Variants in SLC25A21 observed in about 807,000 individuals in gnomAD.
The protein encoded by SLC25A21 is mitochondrial 2-oxodicarboxylate carrier.
In SLC25A21, 47 loss-of-function variants were observed where a neutral mutation model predicts 43.8. That is an observed-to-expected ratio of 1.07 (90% CI 0.85 to 1.37). The LOEUF is 1.37. Ranked by LOEUF, SLC25A21 falls within the 40% of genes most tolerant of loss-of-function variation. The pLI, the probability that SLC25A21 is intolerant of heterozygous loss-of-function variation, is 0.00. For synonymous variants in SLC25A21, 131 were observed against 121.3 expected (o/e 1.08, Z -0.52); for missense variants, 352 against 350.2 (o/e 1.00, Z -0.04).
intron 7 of SLC25A21, among the ~76,000 whole-genome samples, chr14:36,689,447 A>G (rs1882700967): frequency 6.6e-6 from 1 of 152,180 alleles, no homozygotes; most frequent in African/African-American, 2.4e-5. Flanking sequence ...TAGGCTTGTA[A>G]AAGCTTGAAA....
intron 1 of SLC25A21, among the ~76,000 whole-genome samples, chr14:37,126,903 T>C (rs1963307417): frequency 6.6e-6 from 1 of 152,204 alleles, no homozygotes; most frequent in Non-Finnish European, 1.5e-5. Flanking sequence ...TAAGGAACTA[T>C]ATTTTTGCTA....
At chr14:36,790,536 A>C (rs1887449133) in intron 3 of SLC25A21, among the ~76,000 whole-genome samples, 1 of 152,154 alleles carries the variant, frequency 6.6e-6, no homozygotes. Flanking sequence ...ACATGAACCT[A>C]TATTGGATAA....
intron 2 of SLC25A21, among the ~76,000 whole-genome samples, chr14:36,865,703 A>G (rs1238517915): frequency 6.6e-6 from 1 of 152,190 alleles, no homozygotes; most frequent in African/African-American, 2.4e-5. Flanking sequence ...GGTTCGCTGC[A>G]TAAGAATCAC....
chr14:36,998,579 A>G (rs1183126918), intron 1 of SLC25A21, among the ~76,000 whole-genome samples: 1 of 152,184 alleles, frequency 6.6e-6, no homozygotes, highest in African/African-American at 2.4e-5. Context: ...TTCATTATGG[A>G]GAAATCAGAT....
intron 1 of SLC25A21, among the ~76,000 whole-genome samples, chr14:37,113,987 T>C (rs1370119925): frequency 1.3e-5 from 2 of 152,194 alleles, no homozygotes; most frequent in Non-Finnish European, 2.9e-5. Context: ...TTACAAATAT[T>C]TGAATAATCT....
At chr14:37,124,261 G>GA (rs1030312870) in intron 1 of SLC25A21, among the ~76,000 whole-genome samples, 1 of 151,892 alleles carries the variant, frequency 6.6e-6, no homozygotes, top group African/African-American at 2.4e-5. Context: ...TTAAAATAAA[G>GA]AAAAAATAAT....
At chr14:37,142,744 A>C (rs1368696130) in intron 1 of SLC25A21, among the ~76,000 whole-genome samples, 1 of 152,174 alleles carries the variant, frequency 6.6e-6, no homozygotes, top group Non-Finnish European at 1.5e-5. Context: ...AATTAGGCAG[A>C]TATTAGAAAT....
intron 1 of SLC25A21, among the ~76,000 whole-genome samples, chr14:37,130,125 T>C (rs1963368357): frequency 1.3e-5 from 2 of 148,416 alleles, no homozygotes; most frequent in African/African-American, 2.5e-5. Flanking sequence ...TATCCAGGCA[T>C]GGTGGTGCAT....
chr14:36,726,326 C>T (rs918777828), intron 5 of SLC25A21, among the ~76,000 whole-genome samples: 13 of 152,034 alleles, frequency 8.6e-5, no homozygotes, highest in South Asian at 4.1e-4. Context: ...CCCAGCTGCT[C>T]GGCAGCTGAA....
chr14:36,892,349 C>T (rs1190809356), intron 1 of SLC25A21, among the ~76,000 whole-genome samples: 2 of 151,878 alleles, frequency 1.3e-5, no homozygotes, highest in African/African-American at 4.8e-5. Flanking sequence ...TTTAATGCTC[C>T]GATAATGCCA....
chr14:37,050,795 C>T (rs1028138742), intron 1 of SLC25A21, among the ~76,000 whole-genome samples: 10 of 152,136 alleles, frequency 6.6e-5, no homozygotes, highest in African/African-American at 9.7e-5. Flanking sequence ...TAACTTGAAG[C>T]CTCTACTAGT....
intron 3 of SLC25A21, among the ~76,000 whole-genome samples, chr14:36,760,963 A>G (rs1182057428): frequency 6.6e-6 from 1 of 152,234 alleles, no homozygotes; most frequent in Non-Finnish European, 1.5e-5. Flanking sequence ...ATTAATTTTC[A>G]TTCTTGCCAA....
intron 7 of SLC25A21, among the ~76,000 whole-genome samples, chr14:36,692,717 AGGG>A (rs1882842910): frequency 6.6e-6 from 1 of 152,168 alleles, no homozygotes; most frequent in African/African-American, 2.4e-5. Flanking sequence ...GGGGGTGATG[AGGG>A]ACACAGGGCA....
At chr14:36,841,762 C>A (rs1006189063) in intron 2 of SLC25A21, among the ~76,000 whole-genome samples, 1 of 152,144 alleles carries the variant, frequency 6.6e-6, no homozygotes, top group Non-Finnish European at 1.5e-5. Context: ...GTGGGCTCAA[C>A]AACCTCCAAA....
intron 1 of SLC25A21, among the ~76,000 whole-genome samples, chr14:37,096,711 A>AT (rs1050270505): frequency 2.0e-5 from 3 of 151,654 alleles, no homozygotes; most frequent in African/African-American, 7.3e-5. Context: ...ATTTCTGTTG[A>AT]TTTTTTTATT....
chr14:37,019,774 G>A (rs575598059), intron 1 of SLC25A21, among the ~76,000 whole-genome samples: 1 of 151,890 alleles, frequency 6.6e-6, no homozygotes, highest in Admixed American at 6.6e-5. Flanking sequence ...CATTGGGGCT[G>A]GAAAGACAGG....
chr14:36,961,331 C>T (rs1159150217), intron 1 of SLC25A21, among the ~76,000 whole-genome samples: 6 of 152,056 alleles, frequency 3.9e-5, no homozygotes, highest in Admixed American at 3.9e-4. Context: ...CCTGCCTCAC[C>T]CTCCCGAGTA....
At chr14:36,905,444 A>C (rs1288773096) in intron 1 of SLC25A21, among the ~76,000 whole-genome samples, 1 of 152,144 alleles carries the variant, frequency 6.6e-6, no homozygotes, top group African/African-American at 2.4e-5. Flanking sequence ...TCCTCAATAA[A>C]CTTGTTTTCA....
At chr14:36,770,075 G>A (rs1027372061) in intron 3 of SLC25A21, among the ~76,000 whole-genome samples, 1 of 152,098 alleles carries the variant, frequency 6.6e-6, no homozygotes, top group African/African-American at 2.4e-5. Flanking sequence ...AACATAAATA[G>A]CCTTGCTCGC....
Sources: gnomAD v4.1 joint callset for allele counts (sites outside exome capture counted in the v4.1 genomes callset) on GRCh38, gnomAD v4.1.1 for gene constraint, MANE v1.5 for transcripts, NCBI Gene and HGNC (gene_info 2026-07-23, HGNC 2026-07-21) for gene names.